The following NABP1 variants were observed in gnomAD, a reference collection of about 807,000 sequenced individuals.
The protein encoded by NABP1 is SOSS complex subunit B2.
A neutral mutation model predicts 25.0 loss-of-function variants in NABP1; 18 were observed. That is an observed-to-expected ratio of 0.72 (90% CI 0.50 to 1.07). The LOEUF is 1.07. Ranked by LOEUF, NABP1 falls within the 50% of genes least tolerant of loss-of-function variation. The pLI is 0.00. For synonymous variants in NABP1, 71 were observed against 85.0 expected, an observed-to-expected ratio of 0.84 and a Z score of 0.91; for missense variants, 270 against 255.6, an observed-to-expected ratio of 1.06 and a Z score of -0.39.
intron 3 of NABP1, 196 bp downstream of exon 3, chr2:191,682,213 T>C (rs1687706485): frequency 4.5e-6 from 2 of 447,548 alleles, no homozygotes; most frequent in Admixed American, 8.1e-5. Context: ...GTTAAAAGTG[T>C]CAATTTTTCC....
Position 191,683,902 on chromosome 2 carries a change from A to C in NABP1, c.378+98A>C, listed in dbSNP as rs1049651081. On this transcript the variant is annotated intron_variant, in intron 4 of 5. Transcript: ENST00000425611. The surrounding 1 kb of genome is among the most constrained non-coding windows in gnomAD (Gnocchi z 4.1). ...GTTGATACTTAGTATAAAGAAGATA[A>C]TTTTTAAAAGGATACTTAATTTTTA... 3 of 940,726 alleles carry C rather than the reference A, an allele frequency of 3.2e-6. No individual in the cohort carries two copies. The African/African-American group carries it at 5.2e-5, about 16-fold the overall frequency. The allele number at this position is 940,726 out of a possible 1,614,324, so 58.3% of individuals were successfully genotyped here.
intron 2 of NABP1, among the ~76,000 whole-genome samples, 166 bp downstream of exon 2, chr2:191,679,294 G>A (rs1317243984): frequency 1.3e-5 from 2 of 152,222 alleles, no homozygotes; most frequent in African/African-American, 4.8e-5. Context: ...GCGCTGGGAT[G>A]TAACAGACCT....
chr2:191,681,662 G>A (rs1438642708), intron 2 of NABP1, among the ~76,000 whole-genome samples: 8 of 152,186 alleles, frequency 5.3e-5, no homozygotes, highest in African/African-American at 1.4e-4. Context: ...GACTAAAGAT[G>A]TGATCATTGG....
At chr2:191,685,232 C>G (rs981446140) in intron 5 of NABP1, among the ~76,000 whole-genome samples, 3 of 152,158 alleles carry the variant, frequency 2.0e-5, no homozygotes, top group East Asian at 3.8e-4. Flanking sequence ...CTGCCTTTGC[C>G]TTTAAAAAGT....
chr2:191,679,321 T>G (rs1049787530), intron 2 of NABP1, among the ~76,000 whole-genome samples, 193 bp downstream of exon 2: 1 of 152,202 alleles, frequency 6.6e-6, no homozygotes, highest in Admixed American at 6.5e-5. Context: ...TGAAAGGCAG[T>G]CGGTTTCAGC....
intron 5 of NABP1, among the ~76,000 whole-genome samples, chr2:191,685,263 T>A (rs1687785952): frequency 6.6e-6 from 1 of 152,240 alleles, no homozygotes. Flanking sequence ...TTGTCTGTTT[T>A]GAGATATTAA....
Position 191,683,666 on chromosome 2 carries a change from C to T in NABP1, c.303-63C>T. 1 of 1,180,386 alleles carries T rather than the reference C, an allele frequency of 8.5e-7. No homozygotes were observed. The highest frequency in any genetic ancestry group is 1.2e-6 in the Non-Finnish European group (1 of 807,010). The allele number at this position is 1,180,386 out of a possible 1,614,324, so 73.1% of individuals were successfully genotyped here. A position where few individuals can be genotyped will look rare whatever the true frequency, so the allele number is the denominator to read the frequency against. On this transcript the variant is annotated intron_variant, in intron 3 of 5. Coordinates refer to ENST00000425611, the MANE Select transcript of NABP1 (RefSeq NM_001031716.5). This position sits in a 1 kb window ranked among gnomAD's most constrained non-coding sequence, Gnocchi z 4.1. Reference sequence around the variant, plus strand: ...TCATTCCTAAAAGTTAGAGATGTTACATAAAGAAGGGTTGAGGACTTTATT... The same window carrying T: ...TCATTCCTAAAAGTTAGAGATGTTATATAAAGAAGGGTTGAGGACTTTATT...
intron 3 of NABP1, 82 bp downstream of exon 3, chr2:191,682,099 C>A (rs972583440): frequency 2.3e-6 from 2 of 859,556 alleles, no homozygotes; most frequent in African/African-American, 1.8e-5. Context: ...GAATTGTAAA[C>A]CTCTTTGGCT....
In NABP1 at chr2:191,683,569, A is replaced by G. The variant is rs924837541; in HGVS notation, c.303-160A>G. ...TCAAATATTTGATGTTTTATGGGAC[A>G]TAATCATTTGGGAAGTTTTTGTTGT... On this transcript the variant is annotated intron_variant, in intron 3 of 5. Transcript: ENST00000425611. This position sits in a 1 kb window ranked among gnomAD's most constrained non-coding sequence, Gnocchi z 4.1. 6 of 599,884 alleles carry G rather than the reference A, an allele frequency of 1.0e-5. No individual in the cohort carries two copies. In the Admixed American group the frequency reaches 1.9e-4, roughly 19 times the overall value. 37.2% of individuals were successfully genotyped at this position (599,884 alleles called of 1,614,324 possible). A position where few individuals can be genotyped will look rare whatever the true frequency, so the allele number is the denominator to read the frequency against.
chr2:191,680,237 A>G (rs1687648741), intron 2 of NABP1, among the ~76,000 whole-genome samples: 1 of 152,250 alleles, frequency 6.6e-6, no homozygotes, highest in African/African-American at 2.4e-5. Context: ...AAATTGTAAT[A>G]ATTTATCATT....
intron 3 of NABP1, chr2:191,682,259 C>G (rs1687707693): frequency 2.4e-6 from 1 of 416,688 alleles, no homozygotes; most frequent in Non-Finnish European, 4.4e-6. Flanking sequence ...CAGTTGAGAC[C>G]AGCCCTAGTG....
At position 191,683,771 on chromosome 2, in the gene NABP1, C is replaced by G; in HGVS notation, c.345C>G (p.Pro115=). 1 of 1,609,830 alleles carries G rather than the reference C, an allele frequency of 6.2e-7. No homozygotes were observed. The highest frequency in any genetic ancestry group is 8.5e-7 in the Non-Finnish European group (1 of 1,178,984). ...CAGAAGTGCCAAATTTCAGTGAACCCAACCCAGATTATCGAGGACAGCAGA... is the reference window on the plus strand; with the variant it reads ...CAGAAGTGCCAAATTTCAGTGAACCGAACCCAGATTATCGAGGACAGCAGA... ...VYSEVPNFSE[P]NPDYRGQQNK... is the part of the protein sequence containing the mutation. Residue 115 remains proline, a synonymous_variant, in exon 4 of 6, where the codon CCC becomes CCG. Transcript: ENST00000425611. The surrounding 1 kb of genome is among the most constrained non-coding windows in gnomAD (Gnocchi z 4.1).
chr2:191,685,830 C>T lies in NABP1; in HGVS notation c.*62C>T, dbSNP rs930584276. On this transcript the variant is annotated 3_prime_UTR_variant, in exon 6 of 6. Coordinates refer to ENST00000425611, the MANE Select transcript of NABP1 (RefSeq NM_001031716.5). ...ATGCCCTACTTGAACACTTATTGCA[C>T]TTTTATTTATTGTTAACTGTGAAAA... The T allele has an allele frequency of 6.8e-7, 1 of 1,471,442 alleles. No individual in the cohort carries two copies. The highest frequency in any genetic ancestry group is 9.4e-7 in the Non-Finnish European group (1 of 1,068,220). 91.1% of individuals were successfully genotyped at this position (1,471,442 alleles called of 1,614,324 possible). A position where few individuals can be genotyped will look rare whatever the true frequency, so the allele number is the denominator to read the frequency against.
In NABP1 at chr2:191,682,033, C is replaced by G. The variant is rs371341554; in HGVS notation, c.302+16C>G. The G allele has an allele frequency of 6.4e-6, 9 of 1,396,752 alleles. No homozygotes were observed. In the African/African-American group the frequency reaches 1.4e-4, roughly 21 times the overall value. The allele number at this position is 1,396,752 out of a possible 1,614,324, so 86.5% of individuals were successfully genotyped here. A position where few individuals can be genotyped will look rare whatever the true frequency, so the allele number is the denominator to read the frequency against. On this transcript the variant is annotated intron_variant, in intron 3 of 5. Coordinates refer to ENST00000425611, the MANE Select transcript of NABP1 (RefSeq NM_001031716.5). ...AAATTGGGGAGTAAGTATTAAAATG[C>G]ATTTTGTATAATTGCATATATTATA...
chr2:191,678,630 G>A lies in NABP1; in HGVS notation c.16G>A (p.Asp6Asn). 9 of 1,613,282 alleles carry A rather than the reference G, an allele frequency of 5.6e-6. No homozygotes were observed. The highest frequency in any genetic ancestry group is 7.6e-6 in the Non-Finnish European group (9 of 1,179,662). MNRVN[D>N]PLIFIRDIKP... ...CTGTCCCAATATGAATAGGGTCAAC[G>A]ACCCACTTATTTTTATAAGAGATAT... is the stretch of plus-strand genomic sequence containing the variant. The change falls in exon 1 of 6, where the codon GAC becomes AAC. Residue 6 changes from aspartate to asparagine, a missense_variant. Coordinates refer to ENST00000425611, the MANE Select transcript of NABP1 (RefSeq NM_001031716.5).
chr2:191,685,727 A>G lies in NABP1; in HGVS notation c.574A>G (p.Ile192Val), dbSNP rs1186741396. 4.3e-6 allele frequency: 7 copies of G among 1,614,046 alleles called. No individual in the cohort carries two copies. Among genetic ancestry groups the G allele is most frequent in the Admixed American group, 3.3e-5 (2 of 60,000 alleles). The change falls in exon 6 of 6, where the codon ATA becomes GTA. Residue 192 changes from isoleucine to valine, a missense_variant. Ile to Val is a conservative substitution (Grantham distance 29). Transcript: ENST00000425611. The stretch of plus-strand genomic sequence containing the variant: ...TAGTAATCAAACAGTGATGACCACA[A>G]TAAGTAATGGCAGGGACCCTCGGAG... ...TASNQTVMTT[I>V]SNGRDPRRAF...
At chr2:191,682,924 C>A in intron 3 of NABP1, 1 of 223,420 alleles carries the variant, frequency 4.5e-6, no homozygotes, top group Non-Finnish European at 9.1e-6. Context: ...CTTAGAGTAG[C>A]ATTAATAGAG....
intron 2 of NABP1, among the ~76,000 whole-genome samples, chr2:191,681,477 A>T (rs941295673): frequency 6.6e-6 from 1 of 152,148 alleles, no homozygotes; most frequent in East Asian, 1.9e-4. Flanking sequence ...TTGAAATTCT[A>T]CCAGATCTTC....
At position 191,678,562 on chromosome 2, in the gene NABP1, G is replaced by C; in HGVS notation, c.-53G>C. 7.3e-7 allele frequency: 1 copy of C among 1,379,306 alleles called. No homozygotes were observed. The highest frequency in any genetic ancestry group is 1.2e-5 in the South Asian group (1 of 81,740). 85.4% of individuals were successfully genotyped at this position (1,379,306 alleles called of 1,614,324 possible). The stretch of plus-strand genomic sequence containing the variant: ...CTGTCCCGGGAGGGTGGGAAGCTTT[G>C]ACCCCGCCCTGCCCACTCGCGTCTC... On this transcript the variant is annotated 5_prime_UTR_variant, in exon 1 of 6. Coordinates refer to ENST00000425611, the MANE Select transcript of NABP1 (RefSeq NM_001031716.5).
Sources: gnomAD v4.1 joint callset for allele counts (sites outside exome capture counted in the v4.1 genomes callset) on GRCh38, gnomAD v4.1.1 for gene constraint, Gnocchi (gnomAD v3.1) non-coding constraint, MANE v1.5 for transcripts, NCBI Gene and HGNC (gene_info 2026-07-23, HGNC 2026-07-21) for gene names.